The following ALK variants were observed in gnomAD, a reference collection of about 807,000 sequenced individuals.
ALK encodes the protein ALK receptor tyrosine kinase.
In ALK, 74 loss-of-function variants were observed where a neutral mutation model predicts 163.1. The ratio of observed to expected loss-of-function variants is 0.45; its 90% CI spans 0.38 to 0.55. The LOEUF (loss-of-function observed/expected upper bound fraction) is 0.55, where lower values mean the gene tolerates loss of function less well. Ranked by LOEUF, ALK falls within the 20% of genes least tolerant of loss-of-function variation. ALK has a pLI of 0.00. For synonymous variants in ALK, 960 were observed against 843.2 expected (o/e 1.14, Z -2.40); for missense variants, 2,063 against 2,105.3 (o/e 0.98, Z 0.39).
chr2:29,806,200 G>A (rs1313845473), intron 1 of ALK, among the ~76,000 whole-genome samples: 1 of 152,156 alleles, frequency 6.6e-6, no homozygotes, highest in African/African-American at 2.4e-5. Context: ...AAGGTAAGAG[G>A]TCAGAGAGAG....
intron 3 of ALK, among the ~76,000 whole-genome samples, chr2:29,581,249 G>A (rs1216232114): frequency 2.6e-5 from 4 of 152,148 alleles, no homozygotes; most frequent in African/African-American, 9.7e-5. Flanking sequence ...TTAGCTTGGT[G>A]TGGTGACACG....
chr2:29,550,735 CTTGT>C (rs1305368424), intron 3 of ALK, among the ~76,000 whole-genome samples: 1 of 152,062 alleles, frequency 6.6e-6, no homozygotes, highest in Non-Finnish European at 1.5e-5. Flanking sequence ...TGTTATCAAT[CTTGT>C]TTATGTGCAT....
intron 4 of ALK, among the ~76,000 whole-genome samples, chr2:29,475,868 C>CAGAG (rs10630110): frequency 9.2e-5 from 14 of 151,406 alleles, no homozygotes; most frequent in South Asian, 2.1e-4. Context: ...TCACAATAAA[C>CAGAG]AGAGAGAGAG....
chr2:29,474,608 T>C (rs952357925), intron 4 of ALK, among the ~76,000 whole-genome samples: 2 of 152,364 alleles, frequency 1.3e-5, no homozygotes, highest in Non-Finnish European at 2.9e-5. Flanking sequence ...AAATCACATG[T>C]AGATTTCCAG....
intron 1 of ALK, among the ~76,000 whole-genome samples, chr2:29,729,000 C>G (rs574514281): frequency 6.6e-6 from 1 of 152,326 alleles, no homozygotes; most frequent in South Asian, 2.1e-4. Context: ...CCTAAAATGG[C>G]TCTGCCCCGT....
At chr2:29,832,275 T>C (rs1020352512) in intron 1 of ALK, among the ~76,000 whole-genome samples, 18 of 152,190 alleles carry the variant, frequency 1.2e-4, no homozygotes, top group African/African-American at 4.3e-4. Context: ...CAGGTGGCAG[T>C]TTCCAAAAGC....
chr2:29,544,115 G>A (rs1673486618), intron 3 of ALK, among the ~76,000 whole-genome samples: 1 of 152,172 alleles, frequency 6.6e-6, no homozygotes, highest in Non-Finnish European at 1.5e-5. Context: ...CTCATGTTAG[G>A]TGGGAACTAA....
intron 4 of ALK, among the ~76,000 whole-genome samples, chr2:29,455,701 TTGAC>T (rs1184658779): frequency 1.3e-5 from 2 of 152,202 alleles, no homozygotes; most frequent in Non-Finnish European, 2.9e-5. Context: ...CAAAAACCAC[TTGAC>T]TGACTAAGAG....
At chr2:29,835,523 G>A (rs766371070) in intron 1 of ALK, among the ~76,000 whole-genome samples, 39 of 152,238 alleles carry the variant, frequency 2.6e-4, no homozygotes, top group Non-Finnish European at 4.4e-4. Context: ...CCAGATGTTC[G>A]TGTATCTCCT....
chr2:29,203,612 A>C (rs1295131183), intron 26 of ALK, among the ~76,000 whole-genome samples: 2 of 146,446 alleles, frequency 1.4e-5, no homozygotes, highest in Non-Finnish European at 3.0e-5. Flanking sequence ...TCATCCTCCC[A>C]AGTAGCTGGG....
rs1209588035 is a variant in ALK, at chr2:29,275,230, G to A, written c.1913-3C>T. 1 of 1,613,936 alleles carries A rather than the reference G, an allele frequency of 6.2e-7. No individual in the cohort carries two copies. Among genetic ancestry groups the A allele is most frequent in the Non-Finnish European group, 8.5e-7 (1 of 1,180,036 alleles). Reference sequence around the variant, plus strand: ...CAGGATCTTGTCCTCTCCGCTAACTGCAATAGAGAAGACCCCACGGGCTGA... The same window carrying A: ...CAGGATCTTGTCCTCTCCGCTAACTACAATAGAGAAGACCCCACGGGCTGA... On this transcript the variant is annotated splice_region_variant and splice_polypyrimidine_tract_variant and intron_variant, in intron 10 of 28. Transcript: ENST00000389048.
chr2:29,705,826 G>A lies in ALK; in HGVS notation c.788-10812C>T, dbSNP rs114572101. Among the ~76,000 whole-genome samples the A allele has an allele frequency of 6.3e-3, 966 of 152,294 alleles. 16 individuals carry two copies. Among genetic ancestry groups the A allele is most frequent in the African/African-American group, 0.021 (854 of 41,574 alleles). On this transcript the variant is annotated intron_variant, in intron 2 of 28. Transcript: ENST00000389048. ...ACACAATTTGGCCTTATTTAATGAT[G>A]CGCGTCATTGCTGTTACTCTTTAAG...
At chr2:29,886,863 T>C (rs572072865) in intron 1 of ALK, among the ~76,000 whole-genome samples, 1 of 152,278 alleles carries the variant, frequency 6.6e-6, no homozygotes, top group African/African-American at 2.4e-5. Flanking sequence ...TAAATGCCAA[T>C]TTTCAAATTC....
chr2:29,640,744 A>C (rs1558421454), intron 3 of ALK, among the ~76,000 whole-genome samples: 1 of 152,168 alleles, frequency 6.6e-6, no homozygotes, highest in African/African-American at 2.4e-5. Context: ...GCTTACTATT[A>C]GTGGGGGAAG....
At chr2:29,869,119 A>C (rs1666513818) in intron 1 of ALK, among the ~76,000 whole-genome samples, 1 of 152,276 alleles carries the variant, frequency 6.6e-6, no homozygotes, top group Non-Finnish European at 1.5e-5. Flanking sequence ...CAGAAACAAG[A>C]CATTTTCACT....
chr2:29,714,776 C>T (rs2148304915), intron 2 of ALK, among the ~76,000 whole-genome samples: 1 of 152,332 alleles, frequency 6.6e-6, no homozygotes, highest in South Asian at 2.1e-4. Context: ...AAGTTGTTAA[C>T]ATTTCTTAAA....
intron 5 of ALK, among the ~76,000 whole-genome samples, chr2:29,342,211 T>C (rs1397523095): frequency 2.6e-5 from 4 of 152,202 alleles, no homozygotes; most frequent in Admixed American, 2.6e-4. Flanking sequence ...TTGGTGGGAA[T>C]GTAAAATGGT....
chr2:29,843,837 C>T (rs1027900783), intron 1 of ALK, among the ~76,000 whole-genome samples: 6 of 152,270 alleles, frequency 3.9e-5, no homozygotes, highest in Middle Eastern at 3.4e-3. Flanking sequence ...TCACCCTACG[C>T]GAAGTTACTA....
chr2:29,294,220 A>G (rs1322518885), intron 9 of ALK, among the ~76,000 whole-genome samples: 1 of 152,072 alleles, frequency 6.6e-6, no homozygotes, highest in Non-Finnish European at 1.5e-5. Flanking sequence ...TCCCATTTTC[A>G]TCTTCTAGCA....
Sources: gnomAD v4.1 joint callset for allele counts (sites outside exome capture counted in the v4.1 genomes callset) on GRCh38, gnomAD v4.1.1 for gene constraint, MANE v1.5 for transcripts, NCBI Gene and HGNC (gene_info 2026-07-23, HGNC 2026-07-21) for gene names.